Variants in LCT observed in about 807,000 individuals in gnomAD.
The protein encoded by LCT is lactase/phlorizin hydrolase.
A neutral mutation model predicts 173.0 loss-of-function variants in LCT; 90 were observed. That is an observed-to-expected ratio of 0.52 (90% CI 0.44 to 0.62). LCT has a LOEUF of 0.62. Among genes scored for constraint, LCT ranks in the 20% least tolerant of loss-of-function variants. The pLI is 0.00. For synonymous variants in LCT, 853 were observed against 957.6 expected, an observed-to-expected ratio of 0.89 and a Z score of 2.02; for missense variants, 1,864 against 2,431.4, an observed-to-expected ratio of 0.77 and a Z score of 4.91.
intron 10 of LCT, 53 bp from the exon 11 acceptor site, chr2:135,804,181 C>G (rs547492967): frequency 7.0e-7 from 1 of 1,427,474 alleles, no homozygotes; most frequent in African/African-American, 1.4e-5. Context: ...CATGGGAAGC[C>G]CTAGGTTAGA....
chr2:135,809,494 G>A lies in LCT; in HGVS notation c.2853C>T (p.Ile951=), dbSNP rs2077714184. The A allele has an allele frequency of 6.8e-6, 11 of 1,614,238 alleles. No individual in the cohort carries two copies. Among genetic ancestry groups the A allele is most frequent in the Non-Finnish European group, 9.3e-6 (11 of 1,180,042 alleles). ...SNVKDNATGD[I]ACDSYHQLDA... is the part of the protein sequence containing the mutation. ...CCAGCTGGTGATAGCTGTCACAGGC[G>A]ATGTCTCCAGTGGCATTGTCTTTCA... The change falls in exon 8 of 17, where the codon ATC becomes ATT. Residue 951 remains isoleucine (I), a synonymous_variant. Coordinates refer to ENST00000264162, the MANE Select transcript of LCT (RefSeq NM_002299.4). This position sits in a 1 kb window ranked among gnomAD's most constrained non-coding sequence, Gnocchi z 5.5.
Position 135,809,558 on chromosome 2 carries a change from C to T in LCT, c.2789G>A (p.Ser930Asn). Residue 930 changes from serine to asparagine, a missense_variant, in exon 8 of 17, where the codon AGC (serine) becomes AAC (asparagine). Physicochemically the swap from Ser to Asn is conservative, Grantham distance 46. Around this residue, in one of 4 missense-constraint regions of LCT, gnomAD observed 755 missense variants for 926.3 expected, o/e 0.82. Coordinates refer to ENST00000264162, the MANE Select transcript of LCT (RefSeq NM_002299.4). The surrounding 1 kb of genome is among the most constrained non-coding windows in gnomAD (Gnocchi z 5.5). ...GAWDADGKGP[S>N]IWDNFTHTPG... ...TGTGTGGGTAAAGTTATCCCAGATG[C>T]TGGGGCCTTTGCCATCGGCATCCCA... The T allele has an allele frequency of 1.2e-6, 2 of 1,614,220 alleles. No homozygotes were observed. Among genetic ancestry groups the T allele is most frequent in the Non-Finnish European group, 1.7e-6 (2 of 1,180,046 alleles).
intron 13 of LCT, among the ~76,000 whole-genome samples, chr2:135,795,239 G>A (rs1004763007): frequency 6.6e-6 from 1 of 151,518 alleles, no homozygotes; most frequent in Non-Finnish European, 1.5e-5. Context: ...GCTGAGTCTG[G>A]CTCTGTCACC....
At chr2:135,797,762 G>C (rs2077594420) in intron 13 of LCT, among the ~76,000 whole-genome samples, 1 of 152,168 alleles carries the variant, frequency 6.6e-6, no homozygotes, top group African/African-American at 2.4e-5. Flanking sequence ...GGATGAGCTG[G>C]GATTTGTCTG....
chr2:135,793,816 C>T (rs1195247730), intron 14 of LCT, among the ~76,000 whole-genome samples: 3 of 152,080 alleles, frequency 2.0e-5, no homozygotes, highest in Non-Finnish European at 2.9e-5. Context: ...CACCTGTAAT[C>T]CCAGCACTTT....
intron 6 of LCT, among the ~76,000 whole-genome samples, chr2:135,813,907 G>A (rs1422075229): frequency 6.6e-6 from 1 of 152,158 alleles, no homozygotes; most frequent in Non-Finnish European, 1.5e-5. Flanking sequence ...GCTTTTTGTG[G>A]GAAGTAGGGG....
At chr2:135,836,010 ATATATG>A (rs1458695147) in intron 1 of LCT, among the ~76,000 whole-genome samples, 1,091 of 16,730 alleles carry the variant, frequency 0.065, 83 homozygotes, top group African/African-American at 0.086. Context: ...ATATATATAT[ATATATG>A]TATACATATT....
At chr2:135,830,773 G>A (rs572497449) in intron 2 of LCT, among the ~76,000 whole-genome samples, 4 of 152,230 alleles carry the variant, frequency 2.6e-5, no homozygotes, top group Admixed American at 6.5e-5. Flanking sequence ...GCCCACTCTC[G>A]CAGCTCTTCC....
chr2:135,807,137 A>C lies in LCT; in HGVS notation c.4164T>G (p.Ala1388=), dbSNP rs766389018. The part of the protein sequence containing the change: ...PEGFIWSAAS[A]AYQIEGAWRA... ...ATCCTGAACTCCTCACCTGATATGC[A>C]GCAGAAGCTGCACTCCAGATGAAGC... Residue 1388 remains alanine, a synonymous_variant, in exon 9 of 17, where the codon GCT becomes GCG. Transcript: ENST00000264162. The C allele has an allele frequency of 1.7e-5, 28 of 1,614,096 alleles. No individual in the cohort carries two copies. In the African/African-American group the frequency reaches 3.3e-4, roughly 19 times the overall value.
intron 1 of LCT, among the ~76,000 whole-genome samples, chr2:135,834,613 C>A (rs1196626454): frequency 6.7e-6 from 1 of 149,994 alleles, no homozygotes; most frequent in African/African-American, 2.4e-5. Flanking sequence ...CACGGTGAAA[C>A]CCCATCTCTA....
intron 3 of LCT, among the ~76,000 whole-genome samples, chr2:135,828,408 G>GT (rs1402496564): frequency 6.6e-6 from 1 of 152,208 alleles, no homozygotes; most frequent in East Asian, 1.9e-4. Flanking sequence ...ACAGGTGAGT[G>GT]TAGGGGGCTG....
rs569770794 is a variant in LCT at position 135,790,818 on chromosome 2, C to T, written c.5175G>A (p.Thr1725=). The part of the protein sequence containing the change: ...PDSGSFWLKM[T]PFGFRRILNW... ...TCAGGATCCTCCTGAAGCCAAAAGGCGTCATCTTCAGCCAGAAGGAGCCAG... is the reference window on the plus strand; with the variant it reads ...TCAGGATCCTCCTGAAGCCAAAAGGTGTCATCTTCAGCCAGAAGGAGCCAG... The change falls in exon 15 of 17, where the codon ACG becomes ACA. Residue 1725 remains threonine (T), a synonymous_variant. Coordinates refer to ENST00000264162, the MANE Select transcript of LCT (RefSeq NM_002299.4). This position sits in a 1 kb window ranked among gnomAD's most constrained non-coding sequence, Gnocchi z 4.1. 4.3e-6 allele frequency: 7 copies of T among 1,614,022 alleles called. No individual in the cohort carries two copies. Among genetic ancestry groups the T allele is most frequent in the Non-Finnish European group, 5.9e-6 (7 of 1,180,030 alleles).
chr2:135,807,261 G>A lies in LCT; in HGVS notation c.4040C>T (p.Thr1347Ile). The A allele has an allele frequency of 1.9e-6, 3 of 1,614,198 alleles. No homozygotes were observed. Among genetic ancestry groups the A allele is most frequent in the Non-Finnish European group, 2.5e-6 (3 of 1,180,024 alleles). Residue 1347 changes from threonine to isoleucine, a missense_variant, in exon 9 of 17, where the codon ACA becomes ATA. By Grantham distance (89) the Thr-to-Ile change is moderately conservative (BLOSUM62 -1). Transcript: ENST00000264162. ...VDFNNTNRPR[T>I]ARASARYYTE... Reference sequence around the variant, plus strand: ...GTAGTACCTGGCGGAGGCTCTTGCTGTGCGAGGCCTGTTCGTGTTGTTGAA... The same window carrying A: ...GTAGTACCTGGCGGAGGCTCTTGCTATGCGAGGCCTGTTCGTGTTGTTGAA...
rs749021292 is a variant in LCT, at chr2:135,809,430, C to T, written c.2917G>A (p.Ala973Thr). The change falls in exon 8 of 17, where the codon GCC becomes ACC. Residue 973 changes from alanine to threonine, a missense_variant. Physicochemically the swap from Ala to Thr is moderately conservative, Grantham distance 58 (BLOSUM62 0). This residue lies in a region of LCT where 755 missense variants were observed against 926.3 expected (regional missense o/e 0.82). Coordinates refer to ENST00000264162, the MANE Select transcript of LCT (RefSeq NM_002299.4). The surrounding 1 kb of genome is among the most constrained non-coding windows in gnomAD (Gnocchi z 5.5). ...GACCAGGAGATAGAGAAGCGGTAGG[C>T]CTTCACCTTCAAAGCTCGGAGCATA... is the stretch of plus-strand genomic sequence containing the variant. Reference protein sequence around the residue: ...LNMLRALKVKAYRFSISWSRI... With the variant: ...LNMLRALKVKTYRFSISWSRI... 5 of 1,614,208 alleles carry T rather than the reference C, an allele frequency of 3.1e-6. No homozygotes were observed. In the East Asian group the frequency reaches 1.1e-4, roughly 36 times the overall value.
intron 3 of LCT, among the ~76,000 whole-genome samples, chr2:135,825,878 G>T (rs748292422): frequency 1.3e-5 from 2 of 152,230 alleles, no homozygotes; most frequent in Non-Finnish European, 2.9e-5. Flanking sequence ...TTCCAGGACA[G>T]GGAGGGAGGG....
chr2:135,806,708 T>C (rs1393680544), intron 9 of LCT, among the ~76,000 whole-genome samples: 8 of 152,376 alleles, frequency 5.3e-5, no homozygotes, highest in Middle Eastern at 6.8e-3. Flanking sequence ...GGCTATACCA[T>C]GTAGCCTAGG....
At chr2:135,826,279 T>G (rs2077887974) in intron 3 of LCT, among the ~76,000 whole-genome samples, 1 of 151,856 alleles carries the variant, frequency 6.6e-6, no homozygotes, top group Admixed American at 6.6e-5. Context: ...GGTAGCCAGG[T>G]GCAGTGGCTC....
chr2:135,822,460 G>A (rs988820904), intron 4 of LCT: 24 of 238,638 alleles, frequency 1.0e-4, no homozygotes, highest in African/African-American at 2.3e-5. Context: ...CTGGTCTGGG[G>A]ACCACAACTT....
At chr2:135,793,446 C>T (rs955123746) in intron 14 of LCT, among the ~76,000 whole-genome samples, 1 of 152,152 alleles carries the variant, frequency 6.6e-6, no homozygotes, top group Non-Finnish European at 1.5e-5. Flanking sequence ...AAGGGATCAC[C>T]CTGTGGGACA....
Sources: gnomAD v4.1 joint callset for allele counts (sites outside exome capture counted in the v4.1 genomes callset) on GRCh38, gnomAD v4.1.1 for gene constraint, gnomAD v4.1.1 regional missense constraint, Gnocchi (gnomAD v3.1) non-coding constraint, MANE v1.5 for transcripts, NCBI Gene and HGNC (gene_info 2026-07-23, HGNC 2026-07-21) for gene names.